CCDC7: variants seen among roughly 807,000 people sequenced by gnomAD.
The protein encoded by CCDC7 is coiled-coil domain-containing protein 7.
In CCDC7, 183 loss-of-function variants were observed where a neutral mutation model predicts 196.9. The ratio of observed to expected loss-of-function variants is 0.93; its 90% CI spans 0.82 to 1.05. The LOEUF (loss-of-function observed/expected upper bound fraction) is 1.05, where lower values mean the gene tolerates loss of function less well. CCDC7 is among the 50% of genes least tolerant of loss of function. The pLI is 0.00. For synonymous variants in CCDC7, 525 were observed against 484.6 expected (o/e 1.08, Z -1.10); for missense variants, 1,540 against 1,482.2 (o/e 1.04, Z -0.64).
chr10:32,836,845 T>C (rs2092643202), intron 33 of CCDC7, among the ~76,000 whole-genome samples: 1 of 152,150 alleles, frequency 6.6e-6, no homozygotes, highest in Non-Finnish European at 1.5e-5. Context: ...ATTTAACAAA[T>C]GGTGCTGGGA....
At chr10:32,650,187 CT>C (rs1291810621) in intron 20 of CCDC7, among the ~76,000 whole-genome samples, 6 of 152,170 alleles carry the variant, frequency 3.9e-5, no homozygotes, top group Non-Finnish European at 8.8e-5. Flanking sequence ...ATTGGCTTTG[CT>C]TCTGGAAGTT....
chr10:32,845,435 T>C (rs2093228028), intron 34 of CCDC7, 108 bp from the exon 36 acceptor site: 2 of 1,220,286 alleles, frequency 1.6e-6, no homozygotes, highest in African/African-American at 1.5e-5. Context: ...TAGTGTTACA[T>C]AAGTAAAATT....
At position 32,655,138 on chromosome 10, in the gene CCDC7, C is replaced by A. The variant is rs376540993; in HGVS notation, c.2015-8916C>A. 7.9e-5 allele frequency among the ~76,000 whole-genome samples: 12 copies of A among 152,246 alleles called. No individual in the cohort carries two copies. In the East Asian group the frequency reaches 2.1e-3, roughly 27 times the overall value. On this transcript the variant is annotated intron_variant, in intron 20 of 41. Transcript: ENST00000639629. ...TAGGAATGGTGCTTTTGGGGATCCT[C>A]AAACTTATTTTGCCCTCTCTAGGGG...
intron 18 of CCDC7, among the ~76,000 whole-genome samples, chr10:32,627,403 T>A (rs1248960944): frequency 6.6e-6 from 1 of 151,938 alleles, no homozygotes; most frequent in Non-Finnish European, 1.5e-5. Context: ...GAATTCAACA[T>A]TTTTTGATGG....
At chr10:32,742,083 A>G (rs1260082652) in intron 28 of CCDC7, among the ~76,000 whole-genome samples, 2 of 152,212 alleles carry the variant, frequency 1.3e-5, no homozygotes, top group African/African-American at 4.8e-5. Context: ...TTTTGTTCCA[A>G]TGTGAACATC....
intron 24 of CCDC7, among the ~76,000 whole-genome samples, chr10:32,707,424 CCT>C (rs1338945598): frequency 6.6e-6 from 1 of 152,074 alleles, no homozygotes; most frequent in Non-Finnish European, 1.5e-5. Context: ...ACAGGGATGC[CCT>C]CTCTCACCAC....
At chr10:32,761,754 G>A (rs922633560) in intron 28 of CCDC7, among the ~76,000 whole-genome samples, 1 of 151,920 alleles carries the variant, frequency 6.6e-6, no homozygotes, top group East Asian at 1.9e-4. Flanking sequence ...TGAGAGCATC[G>A]ATTAGGATAG....
intron 32 of CCDC7, among the ~76,000 whole-genome samples, chr10:32,825,423 ACTAGACTGGC>A (rs1210807392): frequency 6.6e-6 from 1 of 152,174 alleles, no homozygotes; most frequent in Non-Finnish European, 1.5e-5. Flanking sequence ...ACGTGAAAAG[ACTAGACTGGC>A]CTAGCCTCCC....
intron 39 of CCDC7, 117 bp from the exon 41 acceptor site, chr10:32,851,690 T>C (rs2093569766): frequency 2.0e-6 from 2 of 1,009,422 alleles, no homozygotes; most frequent in Non-Finnish European, 2.8e-6. Context: ...TTTTTTTAAA[T>C]GTTTGCTTTA....
At chr10:32,451,863 C>G in exon 1 of CCDC7, 1 of 1,613,566 alleles carries the variant, frequency 6.2e-7, no homozygotes, top group Non-Finnish European at 8.5e-7. Flanking sequence ...TCGAGTAAGA[C>G]AAAGAACTTA....
intron 41 of CCDC7, among the ~76,000 whole-genome samples, chr10:32,870,752 T>C (rs2094397598): frequency 6.6e-6 from 1 of 152,172 alleles, no homozygotes; most frequent in South Asian, 2.1e-4. Context: ...ATAGCTCTGA[T>C]TATTTTGAGA....
chr10:32,779,874 C>T (rs2080761661), intron 29 of CCDC7, among the ~76,000 whole-genome samples: 2 of 152,114 alleles, frequency 1.3e-5, no homozygotes, highest in Admixed American at 1.3e-4. Context: ...AAGGAGTGCT[C>T]CAGCAAAAGC....
At chr10:32,695,287 A>C (rs983222068) in intron 24 of CCDC7, among the ~76,000 whole-genome samples, 2 of 152,208 alleles carry the variant, frequency 1.3e-5, no homozygotes, top group South Asian at 4.1e-4. Flanking sequence ...TTATGAGTCC[A>C]AGTGTTCAAC....
rs755966059 is a variant in CCDC7, at chr10:32,805,011, A to C, written c.3014-4A>C. On this transcript the variant is annotated splice_polypyrimidine_tract_variant and splice_region_variant and intron_variant, in intron 29 of 41. Coordinates refer to ENST00000639629, the Ensembl canonical transcript of CCDC7. ...AGTATTTTTAAATCCATCTATTTCT[A>C]TAGAGACTGATATAGAAAGCTTGAG... The C allele has an allele frequency of 1.9e-6, 3 of 1,587,382 alleles. No individual in the cohort carries two copies. Among genetic ancestry groups the C allele is most frequent in the Non-Finnish European group, 2.6e-6 (3 of 1,156,346 alleles).
chr10:32,531,842 T>C (rs1441129378), intron 11 of CCDC7, among the ~76,000 whole-genome samples: 1 of 152,194 alleles, frequency 6.6e-6, no homozygotes, highest in African/African-American at 2.4e-5. Context: ...TGACTATTGT[T>C]GTTCATAGTA....
rs758610154 is a variant in CCDC7, at chr10:32,567,669, G to T, written c.1198-1G>T. The T allele has an allele frequency of 1.2e-6, 2 of 1,603,360 alleles. No homozygotes were observed. The highest frequency in any genetic ancestry group is 4.5e-5 in the East Asian group (2 of 44,628). ...ATAAACTGGTACTTTTTTAAAAACA[G>T]GAAGCTGAAAAAGCTAAGCATCAAC... On this transcript the variant is annotated splice_acceptor_variant, in intron 14 of 41. Transcript: ENST00000639629. LOFTEE classifies it high-confidence loss of function.
upstream of CCDC7, among the ~76,000 whole-genome samples, chr10:32,450,713 C>T (rs1217019661): frequency 6.6e-6 from 1 of 152,140 alleles, no homozygotes; most frequent in Admixed American, 6.5e-5. Context: ...TAATATTACA[C>T]TAATGATACC....
In CCDC7 at chr10:32,583,000, A is replaced by G. The variant is rs1048035819; in HGVS notation, c.1455-34A>G. ...CAGTTGCAAATAAAATGGTCTTCAC[A>G]TAATCTAATACCAGATGTTTTATAA... On this transcript the variant is annotated intron_variant, in intron 16 of 41. Coordinates refer to ENST00000639629, the Ensembl canonical transcript of CCDC7. 4.6e-5 allele frequency: 56 copies of G among 1,213,562 alleles called. No homozygotes were observed. The African/African-American group carries it at 8.3e-4, about 18-fold the overall frequency. The allele number at this position is 1,213,562 out of a possible 1,614,324, so 75.2% of individuals were successfully genotyped here.
intron 24 of CCDC7, among the ~76,000 whole-genome samples, chr10:32,698,901 G>A (rs964180640): frequency 2.0e-5 from 3 of 152,124 alleles, no homozygotes; most frequent in Non-Finnish European, 4.4e-5. Flanking sequence ...ACACATAATT[G>A]TCAGATTCAC....
Sources: allele counts gnomAD v4.1 joint callset (sites outside exome capture counted in the v4.1 genomes callset), GRCh38; gene constraint gnomAD v4.1.1; transcripts MANE v1.5; gene names NCBI Gene and HGNC (gene_info 2026-07-23, HGNC 2026-07-21).